Variants in TENT4A observed in about 807,000 individuals in gnomAD.
The protein encoded by TENT4A is terminal nucleotidyltransferase 4A.
In TENT4A, 7 loss-of-function variants were observed where a neutral mutation model predicts 72.8. The observed-to-expected ratio is 0.10, with a 90% CI of 0.05 to 0.18. TENT4A has a LOEUF of 0.18. Ranked by LOEUF, TENT4A falls within the 10% of genes least tolerant of loss-of-function variation. The pLI is 1.00. For missense variants in TENT4A, 831 were observed against 1,017.7 expected (o/e 0.82, Z 2.50); for synonymous variants, 456 against 434.3 (o/e 1.05, Z -0.62).
chr5:6,717,124 A>G (rs1343069439), intron 1 of TENT4A, among the ~76,000 whole-genome samples: 1 of 152,136 alleles, frequency 6.6e-6, no homozygotes, highest in Non-Finnish European at 1.5e-5. Context: ...TCCTATATAA[A>G]CTAACCTTTT....
At chr5:6,750,889 G>T (rs1742363145) in intron 10 of TENT4A, 150 bp from the exon 11 acceptor site, 1 of 748,836 alleles carries the variant, frequency 1.3e-6, no homozygotes, top group Non-Finnish European at 2.2e-6. Context: ...AGCCTGGGTA[G>T]GTTTGGGCTG....
intron 1 of TENT4A, among the ~76,000 whole-genome samples, chr5:6,730,098 C>T (rs1052342044): frequency 6.6e-6 from 1 of 152,040 alleles, no homozygotes; most frequent in Non-Finnish European, 1.5e-5. Flanking sequence ...TTTCTCCGCC[C>T]CCCCCCGGAG....
In TENT4A at chr5:6,715,880, C is replaced by T. The variant is rs140690620; in HGVS notation, c.716+1181C>T. ...CATGCAGTGCAGACGCCGGCAGGAG[C>T]GCAGACTCCTCTTCTCTCCCTCCAG... is the stretch of plus-strand genomic sequence containing the variant. On this transcript the variant is annotated intron_variant, in intron 1 of 12. Coordinates refer to ENST00000230859, the MANE Select transcript of TENT4A (RefSeq NM_006999.6). 7.9e-5 allele frequency among the ~76,000 whole-genome samples: 12 copies of T among 152,288 alleles called. No individual in the cohort carries two copies. The East Asian group carries it at 2.1e-3, about 27-fold the overall frequency.
intron 1 of TENT4A, among the ~76,000 whole-genome samples, chr5:6,732,644 CTTTA>C (rs1250915419): frequency 3.3e-5 from 5 of 152,168 alleles, no homozygotes; most frequent in Non-Finnish European, 5.9e-5. Context: ...TTTCAATGAA[CTTTA>C]TTCTCTAATT....
At position 6,737,626 on chromosome 5, in the gene TENT4A, C is replaced by T. The variant is rs758893026; in HGVS notation, c.833C>T (p.Thr278Met). The change falls in exon 2 of 13, where the codon ACG becomes ATG. Residue 278 changes from threonine to methionine, a missense_variant. Physicochemically the swap from Thr to Met is moderately conservative, Grantham distance 81. This residue lies in a region of TENT4A where 197 missense variants were observed against 399.6 expected (regional missense o/e 0.49). Coordinates refer to ENST00000230859, the MANE Select transcript of TENT4A (RefSeq NM_006999.6). The part of the protein sequence containing the change: ...IETVVKDLWP[T>M]ADVQIFGSFS... ...ACTGTGGTGAAAGACCTTTGGCCGA[C>T]GGCTGATGTGAGTATGTTCTTTGGA... 3 of 1,613,698 alleles carry T rather than the reference C, an allele frequency of 1.9e-6. No individual in the cohort carries two copies. Among genetic ancestry groups the T allele is most frequent in the East Asian group, 4.5e-5 (2 of 44,886 alleles).
rs1742612889 is a variant in TENT4A at position 6,754,955 on chromosome 5, G to T, written c.*10G>T. 6.4e-7 allele frequency: 1 copy of T among 1,564,096 alleles called. No individual in the cohort carries two copies. Among genetic ancestry groups the T allele is most frequent in the African/African-American group, 1.3e-5 (1 of 74,166 alleles). The stretch of plus-strand genomic sequence containing the variant: ...GAGCCTCAGCAGATAATGGCTCCTG[G>T]CTGCGTCAGCCTCCCCCACCCCTCT... On this transcript the variant is annotated 3_prime_UTR_variant, in exon 13 of 13. Transcript: ENST00000230859.
intron 1 of TENT4A, among the ~76,000 whole-genome samples, chr5:6,726,356 A>G (rs935216849): frequency 6.6e-6 from 1 of 152,064 alleles, no homozygotes; most frequent in Non-Finnish European, 1.5e-5. Context: ...CATCATCAGG[A>G]GGCTTCCCGG....
Position 6,754,944 on chromosome 5 carries a change from A to G in TENT4A, c.2378A>G (p.Ter793=), listed in dbSNP as rs774972578. ...AGTCTGCCCGTGAGCCTCAGCAGAT[A>G]ATGGCTCCTGGCTGCGTCAGCCTCC... The part of the protein sequence containing the change: ...RDSLPVSLSR[*] Residue 793 remains the stop codon, a stop_retained_variant, in exon 13 of 13, where the codon TAA becomes TGA. Transcript: ENST00000230859. 6.4e-7 allele frequency: 1 copy of G among 1,574,786 alleles called. No individual in the cohort carries two copies. Among genetic ancestry groups the G allele is most frequent in the Non-Finnish European group, 8.7e-7 (1 of 1,151,416 alleles).
chr5:6,753,513 C>T (rs1002264854), intron 12 of TENT4A, among the ~76,000 whole-genome samples: 1 of 152,228 alleles, frequency 6.6e-6, no homozygotes, highest in Non-Finnish European at 1.5e-5. Context: ...TCAGCAGGGC[C>T]CTGGCATGCG....
chr5:6,737,158 G>A (rs1185999365), intron 1 of TENT4A, among the ~76,000 whole-genome samples: 2 of 152,266 alleles, frequency 1.3e-5, no homozygotes, highest in Non-Finnish European at 2.9e-5. Flanking sequence ...AGCCTCAGAA[G>A]TGTGCCTAAC....
chr5:6,746,054 G>A (rs1414781682), intron 6 of TENT4A, 160 bp from the exon 7 acceptor site: 32 of 1,484,752 alleles, frequency 2.2e-5, no homozygotes, highest in Non-Finnish European at 2.8e-5. Context: ...CCTCGTTGAA[G>A]AGGCTGCTGT....
intron 1 of TENT4A, among the ~76,000 whole-genome samples, chr5:6,716,167 C>T (rs1243617617): frequency 6.6e-6 from 1 of 152,184 alleles, no homozygotes; most frequent in Non-Finnish European, 1.5e-5. Flanking sequence ...CGAGCTGTTT[C>T]CTCCAGGTAA....
At chr5:6,722,990 A>G (rs1405194876) in intron 1 of TENT4A, among the ~76,000 whole-genome samples, 1 of 152,196 alleles carries the variant, frequency 6.6e-6, no homozygotes, top group African/African-American at 2.4e-5. Flanking sequence ...TTTACTTTTA[A>G]TTAAAATTTA....
chr5:6,746,152 G>T (rs561014998), intron 6 of TENT4A, 62 bp from the exon 7 acceptor site: 1 of 1,612,236 alleles, frequency 6.2e-7, no homozygotes, highest in Non-Finnish European at 8.5e-7. Flanking sequence ...ACTTCGTCGC[G>T]TGCTATTTTC....
chr5:6,751,999 C>T (rs558477607), intron 11 of TENT4A, among the ~76,000 whole-genome samples: 46 of 152,294 alleles, frequency 3.0e-4, no homozygotes, highest in African/African-American at 1.1e-3. Context: ...AGCCATGGCC[C>T]AGCCGGACAC....
Position 6,746,365 on chromosome 5 carries a change from T to G in TENT4A, c.1397T>G (p.Met466Arg). The G allele has an allele frequency of 1.9e-6, 3 of 1,614,172 alleles. No individual in the cohort carries two copies. Among genetic ancestry groups the G allele is most frequent in the Non-Finnish European group, 2.5e-6 (3 of 1,180,032 alleles). ...GGAYIAKEEI[M>R]KAMTSGYRPS... Reference sequence around the variant, plus strand: ...GCCTATATCGCCAAAGAGGAGATCATGAAAGCCATGACCAGCGGGTACAGA... The same window carrying G: ...GCCTATATCGCCAAAGAGGAGATCAGGAAAGCCATGACCAGCGGGTACAGA... The change falls in exon 7 of 13, where the codon ATG becomes AGG. Residue 466 changes from methionine to arginine, a missense_variant. Transcript: ENST00000230859.
intron 11 of TENT4A, 86 bp downstream of exon 11, chr5:6,751,283 C>T: frequency 7.3e-7 from 1 of 1,361,442 alleles, no homozygotes; most frequent in Non-Finnish European, 1.0e-6. Context: ...GATTGATGGT[C>T]CTTTGAATTA....
intron 1 of TENT4A, among the ~76,000 whole-genome samples, chr5:6,718,450 A>G (rs274723): frequency 0.6 from 91,122 of 152,066 alleles, 27,895 homozygotes; most frequent in Middle Eastern, 0.69. Context: ...TTTCCCTCCC[A>G]TACTTTCCTG....
In TENT4A at chr5:6,737,744, G is replaced by A. The variant is rs369641293; in HGVS notation, c.840+111G>A. On this transcript the variant is annotated intron_variant, in intron 2 of 12. Transcript: ENST00000230859. ...CACACAGACCTTTTCTCGTTGGCCC[G>A]AGGCAGCAGTTCTCCAAGTGTGCTT... 300 of 1,228,532 alleles carry A rather than the reference G, an allele frequency of 2.4e-4. 1 individual carries two copies. The African/African-American group carries it at 3.0e-3, about 12-fold the overall frequency. The allele number at this position is 1,228,532 out of a possible 1,614,324, so 76.1% of individuals were successfully genotyped here.
Sources: allele counts gnomAD v4.1 joint callset (sites outside exome capture counted in the v4.1 genomes callset), GRCh38; gene constraint gnomAD v4.1.1; regional missense constraint gnomAD v4.1.1; transcripts MANE v1.5; gene names NCBI Gene and HGNC (gene_info 2026-07-23, HGNC 2026-07-21).